Variants in EPB41L4B observed in about 807,000 individuals in gnomAD.
EPB41L4B encodes erythrocyte membrane protein band 4.1 like 4B.
A neutral mutation model predicts 112.5 loss-of-function variants in EPB41L4B; 30 were observed. The ratio of observed to expected loss-of-function variants is 0.27; its 90% CI spans 0.20 to 0.36. EPB41L4B has a LOEUF of 0.36. EPB41L4B is among the 10% of genes least tolerant of loss of function. The pLI, the probability that EPB41L4B is intolerant of heterozygous loss-of-function variation, is 1.00. For missense variants in EPB41L4B, 1,024 were observed against 1,133.3 expected (o/e 0.90, Z 1.38); for synonymous variants, 408 against 439.7 (o/e 0.93, Z 0.90).
intron 20 of EPB41L4B, among the ~76,000 whole-genome samples, chr9:109,194,605 G>C (rs1832579574): frequency 6.7e-6 from 1 of 148,692 alleles, no homozygotes; most frequent in Non-Finnish European, 1.5e-5. Context: ...TCATTTGCCA[G>C]GGTGTTGTTT....
At chr9:109,302,591 G>A (rs1837011536) in intron 1 of EPB41L4B, among the ~76,000 whole-genome samples, 1 of 152,046 alleles carries the variant, frequency 6.6e-6, no homozygotes, top group African/African-American at 2.4e-5. Flanking sequence ...GCTCTGCCAT[G>A]ACTGACAGGG....
intron 15 of EPB41L4B, among the ~76,000 whole-genome samples, chr9:109,219,282 A>T (rs916158903): frequency 2.0e-5 from 3 of 152,214 alleles, no homozygotes; most frequent in Non-Finnish European, 4.4e-5. Context: ...AACTGAAAGG[A>T]AGGCTCTCTC....
At chr9:109,223,382 T>C (rs1833658688) in intron 15 of EPB41L4B, among the ~76,000 whole-genome samples, 1 of 146,426 alleles carries the variant, frequency 6.8e-6, no homozygotes, top group Non-Finnish European at 1.5e-5. Flanking sequence ...TGCAGTGTGA[T>C]CCAAGATCGA....
Position 109,287,776 on chromosome 9 carries a change from G to C in EPB41L4B, c.307-7855C>G, listed in dbSNP as rs181363552. Among the ~76,000 whole-genome samples, 218 of 152,164 alleles carry C rather than the reference G, an allele frequency of 1.4e-3. 1 individual carries two copies. The highest frequency in any genetic ancestry group is 2.4e-3 in the Non-Finnish European group (163 of 67,998). On this transcript the variant is annotated intron_variant, in intron 1 of 25. Coordinates refer to ENST00000374566, the MANE Select transcript of EPB41L4B (RefSeq NM_019114.5). The stretch of plus-strand genomic sequence containing the variant: ...AGCCTCCCGAGTAGCTGAGACCACA[G>C]GTGTACTCCACTATGGGGTCCCACT...
intron 17 of EPB41L4B, among the ~76,000 whole-genome samples, chr9:109,208,880 C>T (rs755231843): frequency 9.9e-5 from 15 of 152,082 alleles, no homozygotes; most frequent in Non-Finnish European, 1.9e-4. Context: ...TATCCCAATG[C>T]TAATATGGTA....
chr9:109,292,266 C>T (rs564999902), intron 1 of EPB41L4B, among the ~76,000 whole-genome samples: 36 of 152,190 alleles, frequency 2.4e-4, no homozygotes, highest in Non-Finnish European at 4.7e-4. Context: ...ATTCTGGCTG[C>T]CCTGAGACTT....
At chr9:109,177,233 C>T (rs967880069) in intron 24 of EPB41L4B, among the ~76,000 whole-genome samples, 5 of 151,990 alleles carry the variant, frequency 3.3e-5, no homozygotes, top group African/African-American at 1.2e-4. Context: ...GCAGTGGTTC[C>T]CAAAGTATGG....
rs143216811 is a variant in EPB41L4B at position 109,199,644 on chromosome 9, G to A, written c.2045+592C>T. The stretch of plus-strand genomic sequence containing the variant: ...ATCACACCACTGCACTCCAGCCTGA[G>A]CGACAGAGCAAGACTTTGTCTCAAA... On this transcript the variant is annotated intron_variant, in intron 20 of 25. Transcript: ENST00000374566. Among the ~76,000 whole-genome samples, 1,106 of 152,306 alleles carry A rather than the reference G, an allele frequency of 7.3e-3. 8 individuals are homozygous for A. The highest frequency in any genetic ancestry group is 0.011 in the Non-Finnish European group (765 of 68,020).
At chr9:109,199,506 C>T (rs6477695) in intron 20 of EPB41L4B, among the ~76,000 whole-genome samples, 132,523 of 152,070 alleles carry the variant, frequency 0.87, 58,041 homozygotes, top group African/African-American at 0.96. Context: ...CCGTCTCTAC[C>T]AAAAATACAA....
intron 1 of EPB41L4B, among the ~76,000 whole-genome samples, chr9:109,315,476 GA>G: frequency 6.6e-6 from 1 of 152,160 alleles, no homozygotes; most frequent in African/African-American, 2.4e-5. Flanking sequence ...CAACTGCCAG[GA>G]ATGTACCCCA....
chr9:109,276,154 T>C (rs979223048), intron 2 of EPB41L4B, among the ~76,000 whole-genome samples: 1 of 141,758 alleles, frequency 7.1e-6, no homozygotes, highest in African/African-American at 2.6e-5. Flanking sequence ...CGTGTGTGTA[T>C]ACACACACAC....
At chr9:109,237,727 T>C (rs1834198815) in intron 15 of EPB41L4B, among the ~76,000 whole-genome samples, 2 of 151,978 alleles carry the variant, frequency 1.3e-5, no homozygotes, top group Non-Finnish European at 2.9e-5. Flanking sequence ...TCACAGGTGA[T>C]GGAGATGAAC....
rs369535289 is a variant in EPB41L4B, at chr9:109,243,669, G to T, written c.1358C>A (p.Pro453His). 5 of 1,614,148 alleles carry T rather than the reference G, an allele frequency of 3.1e-6. No individual in the cohort carries two copies. The African/African-American group carries it at 6.7e-5, about 22-fold the overall frequency. The change falls in exon 15 of 26, where the codon CCT (proline) becomes CAT (histidine). Residue 453 changes from proline to histidine, a missense_variant. By Grantham distance (77) the Pro-to-His change is moderately conservative. Coordinates refer to ENST00000374566, the MANE Select transcript of EPB41L4B (RefSeq NM_019114.5). ...EVHNYQPQYH[P>H]NIHPSQPRWH... Reference sequence around the variant, plus strand: ...CCGGGGCTGGCTGGGATGGATATTAGGATGATATTGAGGCTAGAAATAAAA... The same window carrying T: ...CCGGGGCTGGCTGGGATGGATATTATGATGATATTGAGGCTAGAAATAAAA...
intron 22 of EPB41L4B, among the ~76,000 whole-genome samples, chr9:109,189,011 C>T (rs1314298885): frequency 6.6e-6 from 1 of 152,034 alleles, no homozygotes; most frequent in Non-Finnish European, 1.5e-5. Context: ...CATCAATGTA[C>T]CCTCCCCCAA....
chr9:109,242,536 G>C (rs1366131612), intron 15 of EPB41L4B, among the ~76,000 whole-genome samples: 3 of 152,218 alleles, frequency 2.0e-5, no homozygotes, highest in Non-Finnish European at 4.4e-5. Flanking sequence ...TTGAAATACA[G>C]TAAGATTTAG....
At position 109,207,975 on chromosome 9, in the gene EPB41L4B, C is replaced by A. The variant is rs776608397; in HGVS notation, c.1827G>T (p.Lys609Asn). Residue 609 changes from lysine to asparagine, a missense_variant, in exon 18 of 26, where the codon AAG becomes AAT. Coordinates refer to ENST00000374566, the MANE Select transcript of EPB41L4B (RefSeq NM_019114.5). ...CCAACTGGGCTTTCAGAATGTTACA[C>A]TTCACATGATCCGCAACAGGGGAAG... is the stretch of plus-strand genomic sequence containing the variant. ...LLPSPVADHVKCNILKAQLEN... is the reference protein window; with the variant it reads ...LLPSPVADHVNCNILKAQLEN... 23 of 1,614,078 alleles carry A rather than the reference C, an allele frequency of 1.4e-5. No homozygotes were observed. Among genetic ancestry groups the A allele is most frequent in the Non-Finnish European group, 1.9e-5 (23 of 1,180,036 alleles).
chr9:109,177,102 G>A (rs1277278208), intron 24 of EPB41L4B, among the ~76,000 whole-genome samples: 3 of 152,162 alleles, frequency 2.0e-5, no homozygotes, highest in Non-Finnish European at 2.9e-5. Flanking sequence ...GATTTTATGG[G>A]GGAAAGTGAG....
At chr9:109,175,128 G>A (rs1443176486) in intron 25 of EPB41L4B, among the ~76,000 whole-genome samples, 1 of 151,756 alleles carries the variant, frequency 6.6e-6, no homozygotes, top group Non-Finnish European at 1.5e-5. Context: ...TGTTGCCCAG[G>A]CTGGTCTCGA....
At chr9:109,287,678 G>A (rs1000897023) in intron 1 of EPB41L4B, among the ~76,000 whole-genome samples, 3 of 152,136 alleles carry the variant, frequency 2.0e-5, no homozygotes, top group Non-Finnish European at 2.9e-5. Flanking sequence ...CTGTTACCCC[G>A]GGTGGATTAC....
Sources: allele counts gnomAD v4.1 joint callset (sites outside exome capture counted in the v4.1 genomes callset), GRCh38; gene constraint gnomAD v4.1.1; transcripts MANE v1.5; gene names NCBI Gene and HGNC (gene_info 2026-07-23, HGNC 2026-07-21).